ITPR3: variants seen among roughly 807,000 people sequenced by gnomAD.
ITPR3 encodes the protein inositol 1,4,5-trisphosphate-gated calcium channel ITPR3.
Under a neutral mutation model 293.2 loss-of-function variants are expected in ITPR3, and 173 were observed. That is an observed-to-expected ratio of 0.59 (90% CI 0.52 to 0.67). The LOEUF (loss-of-function observed/expected upper bound fraction) is 0.67, where lower values mean the gene tolerates loss of function less well. Ranked by LOEUF, ITPR3 falls within the 30% of genes least tolerant of loss-of-function variation. The pLI is 0.00. For synonymous variants in ITPR3, 1,295 were observed against 1,444.4 expected (o/e 0.90, Z 2.35); for missense variants, 2,796 against 3,592.1 (o/e 0.78, Z 5.66).
chr6:33,641,594 C>T (rs771710910), intron 2 of ITPR3, among the ~76,000 whole-genome samples: 11 of 151,948 alleles, frequency 7.2e-5, no homozygotes, highest in Non-Finnish European at 1.5e-4. Flanking sequence ...ACTGCCCTGG[C>T]CCTGGACGAA....
At position 33,658,265 on chromosome 6, in the gene ITPR3, C is replaced by A. The variant is rs73408232; in HGVS notation, c.369+247C>A. ...GCCATCAGCATGGAGTCTGGAGCCA[C>A]GTTGTCTGGATTCAAATCTTGGCTC... is the stretch of plus-strand genomic sequence containing the variant. On this transcript the variant is annotated intron_variant, in intron 4 of 57. Coordinates refer to ENST00000605930, the MANE Select transcript of ITPR3 (RefSeq NM_002224.4). This position sits in a 1 kb window ranked among gnomAD's most constrained non-coding sequence, Gnocchi z 6.1. 6.6e-6 allele frequency among the ~76,000 whole-genome samples: 1 copy of A among 152,072 alleles called. No homozygotes were observed. Among genetic ancestry groups the A allele is most frequent in the Non-Finnish European group, 1.5e-5 (1 of 67,998 alleles).
chr6:33,686,525 GC>G lies in ITPR3; in HGVS notation c.5979+9del, dbSNP rs749614098. 4 of 1,609,442 alleles carry G rather than the reference GC, an allele frequency of 2.5e-6. No individual in the cohort carries two copies. The highest frequency in any genetic ancestry group is 3.4e-6 in the Non-Finnish European group (4 of 1,175,736). ...ATCTGGTGCTGCAGCTCAAGGTGGG[GC>G]CCAGTGGCAGGTGTGTGAGTGCTGG... is the stretch of plus-strand genomic sequence containing the variant. On this transcript the variant is annotated splice_region_variant and intron_variant, in intron 43 of 57. Transcript: ENST00000605930.
Position 33,658,018 on chromosome 6 carries a change from G to C in ITPR3, c.369G>C (p.Gln123His). 6.2e-7 allele frequency: 1 copy of C among 1,611,492 alleles called. No homozygotes were observed. The highest frequency in any genetic ancestry group is 8.5e-7 in the Non-Finnish European group (1 of 1,178,734). Residue 123 changes from glutamine (Q) to histidine (H), a missense_variant and splice_region_variant, in exon 4 of 58, where the codon CAG becomes CAC. Coordinates refer to ENST00000605930, the MANE Select transcript of ITPR3 (RefSeq NM_002224.4). The surrounding 1 kb of genome is among the most constrained non-coding windows in gnomAD (Gnocchi z 6.1). ...TCGTGAAGTATGGCAGTGTGATCCA[G>C]GTGAGGCTGGCCTGCCTCTCTCCCG... ...GDVVKYGSVI[Q>H]LLHMKSNKYL...
intron 2 of ITPR3, among the ~76,000 whole-genome samples, chr6:33,650,611 A>G (rs561495898): frequency 7.2e-5 from 11 of 152,328 alleles, no homozygotes; most frequent in Admixed American, 2.0e-4. Flanking sequence ...CCACCCTATA[A>G]GGGCTGTTAT....
In ITPR3 at chr6:33,690,984, G is replaced by A; in HGVS notation, c.7100G>A (p.Arg2367His). Residue 2367 changes from arginine (R) to histidine (H), a missense_variant, in exon 52 of 58, where the codon CGC becomes CAC. Transcript: ENST00000605930. Reference protein sequence around the residue: ...NVIKSVTRNGRSILLTALLAL... With the variant: ...NVIKSVTRNGHSILLTALLAL... ...ATCAAGAGTGTGACCCGCAATGGCC[G>A]CTCCATCCTGCTGACAGCCCTGCTG... The A allele has an allele frequency of 6.2e-7, 1 of 1,614,124 alleles. No homozygotes were observed. The highest frequency in any genetic ancestry group is 8.5e-7 in the Non-Finnish European group (1 of 1,180,000).
Position 33,633,826 on chromosome 6 carries a change from C to A in ITPR3, c.90-6658C>A, listed in dbSNP as rs1331133519. Among the ~76,000 whole-genome samples the A allele has an allele frequency of 2.6e-5, 1 of 37,778 alleles. No individual in the cohort carries two copies. Among genetic ancestry groups the A allele is most frequent in the African/African-American group, 9.8e-5 (1 of 10,186 alleles). The allele number at this position is 37,778 out of a possible 152,430, so 24.8% of individuals were successfully genotyped here. On this transcript the variant is annotated intron_variant, in intron 1 of 57. Coordinates refer to ENST00000605930, the MANE Select transcript of ITPR3 (RefSeq NM_002224.4). The surrounding 1 kb of genome is among the most constrained non-coding windows in gnomAD (Gnocchi z 5.2). Reference sequence around the variant, plus strand: ...GGCCAGGCTGGGGGCGGGGCGGGCGCGGGGCGGGCGCGGGGCGGGGCCGGG... The same window carrying A: ...GGCCAGGCTGGGGGCGGGGCGGGCGAGGGGCGGGCGCGGGGCGGGGCCGGG...
chr6:33,681,682 G>T (rs148052806), intron 33 of ITPR3, among the ~76,000 whole-genome samples: 1,975 of 152,284 alleles, frequency 0.013, 19 homozygotes, highest in Middle Eastern at 0.027. Flanking sequence ...GAGCTGGGGT[G>T]GGGTGGGATC....
intron 3 of ITPR3, among the ~76,000 whole-genome samples, 185 bp downstream of exon 3, chr6:33,656,072 T>C: frequency 6.6e-6 from 1 of 152,112 alleles, no homozygotes; most frequent in East Asian, 1.9e-4. Context: ...GGCAGGAGGA[T>C]TGCTTGAGGC....
chr6:33,668,320 C>T (rs527580686), intron 16 of ITPR3, among the ~76,000 whole-genome samples, 195 bp from the exon 17 acceptor site: 66 of 152,326 alleles, frequency 4.3e-4, no homozygotes, highest in African/African-American at 1.5e-3. Flanking sequence ...CTAGCCTTCC[C>T]GGACCCCAGG....
chr6:33,676,966 C>A (rs1421310612), intron 26 of ITPR3, 34 bp downstream of exon 26: 1 of 1,613,852 alleles, frequency 6.2e-7, no homozygotes, highest in Non-Finnish European at 8.5e-7. Flanking sequence ...GGGCAGGCCT[C>A]CCTGTGAGGG....
rs1763869709 is a variant in ITPR3 at position 33,638,195 on chromosome 6, G to A, written c.90-2289G>A. 6.6e-6 allele frequency among the ~76,000 whole-genome samples: 1 copy of A among 151,954 alleles called. No individual in the cohort carries two copies. Among genetic ancestry groups the A allele is most frequent in the African/African-American group, 2.4e-5 (1 of 41,334 alleles). On this transcript the variant is annotated intron_variant, in intron 1 of 57. Transcript: ENST00000605930. This position sits in a 1 kb window ranked among gnomAD's most constrained non-coding sequence, Gnocchi z 4.3. ...TAATTTTTGTATTTTTAGTAGAGATGAGGTTTCACCATGTTGGTCAGGCGG... is the reference window on the plus strand; with the variant it reads ...TAATTTTTGTATTTTTAGTAGAGATAAGGTTTCACCATGTTGGTCAGGCGG...
intron 1 of ITPR3, among the ~76,000 whole-genome samples, chr6:33,625,170 G>T (rs1763522957): frequency 6.6e-6 from 1 of 152,230 alleles, no homozygotes; most frequent in Non-Finnish European, 1.5e-5. Context: ...AGTGGCTAGG[G>T]AGAACTGGCC....
In ITPR3 at chr6:33,642,182, C is replaced by A. The variant is rs554961975; in HGVS notation, c.160+1628C>A. On this transcript the variant is annotated intron_variant, in intron 2 of 57. Transcript: ENST00000605930. ...CCATGTCCTGTTGTTGTGACCCACC[C>A]AGAATCTCCCCAGTGGAGCCCAGGC... 9.1e-4 allele frequency among the ~76,000 whole-genome samples: 139 copies of A among 152,284 alleles called. 1 individual carries two copies. The highest frequency in any genetic ancestry group is 9.0e-4 in the Non-Finnish European group (61 of 68,026).
rs954428292 is a variant in ITPR3 at position 33,683,075 on chromosome 6, G to T, written c.4598-132G>T. 9.1e-5 allele frequency: 44 copies of T among 485,706 alleles called. No homozygotes were observed. Among genetic ancestry groups the T allele is most frequent in the East Asian group, 5.6e-4 (14 of 25,142 alleles). 30.1% of individuals were successfully genotyped at this position (485,706 alleles called of 1,614,324 possible). A position where few individuals can be genotyped will look rare whatever the true frequency, so the allele number is the denominator to read the frequency against. On this transcript the variant is annotated intron_variant, in intron 34 of 57. Transcript: ENST00000605930. This position sits in a 1 kb window ranked among gnomAD's most constrained non-coding sequence, Gnocchi z 4.5. ...AGTCCCTCAAGCATAGGCCGGGGTG[G>T]GGGGGGTCTCTGTCTCCCAGACCCT...
chr6:33,621,365 C>A lies in ITPR3; in HGVS notation c.-238C>A. 2 of 203,716 alleles carry A rather than the reference C, an allele frequency of 9.8e-6. No individual in the cohort carries two copies. The allele number at this position is 203,716 out of a possible 1,614,324, so 12.6% of individuals were successfully genotyped here. The stretch of plus-strand genomic sequence containing the variant: ...ACGCTGCAGGTACGCGCGGGCCGGG[C>A]GGGGCGGGCGGGCGGCGGGCGCGCC... On this transcript the variant is annotated 5_prime_UTR_variant, in exon 1 of 58. Transcript: ENST00000605930. The surrounding 1 kb of genome is among the most constrained non-coding windows in gnomAD (Gnocchi z 7.7).
In ITPR3 at chr6:33,658,383, C is replaced by G. The variant is rs1159847863; in HGVS notation, c.370-287C>G. 1.3e-5 allele frequency among the ~76,000 whole-genome samples: 2 copies of G among 152,210 alleles called. No individual in the cohort carries two copies. Among genetic ancestry groups the G allele is most frequent in the African/African-American group, 4.8e-5 (2 of 41,434 alleles). On this transcript the variant is annotated intron_variant, in intron 4 of 57. Transcript: ENST00000605930. This position sits in a 1 kb window ranked among gnomAD's most constrained non-coding sequence, Gnocchi z 6.1. Reference sequence around the variant, plus strand: ...GTGAAATCAGGCAGTAATAGTACTTCCCTCTTGGATCGTTGTAGGTTACTT... The same window carrying G: ...GTGAAATCAGGCAGTAATAGTACTTGCCTCTTGGATCGTTGTAGGTTACTT...
At chr6:33,656,352 A>G (rs1393719188) in intron 3 of ITPR3, among the ~76,000 whole-genome samples, 1 of 152,102 alleles carries the variant, frequency 6.6e-6, no homozygotes, top group African/African-American at 2.4e-5. Flanking sequence ...TGTCGACACC[A>G]TAGAGCAGTG....
At chr6:33,630,045 C>T (rs1178074282) in intron 1 of ITPR3, among the ~76,000 whole-genome samples, 3 of 152,014 alleles carry the variant, frequency 2.0e-5, no homozygotes, top group Non-Finnish European at 4.4e-5. Context: ...GAGCTGAGAT[C>T]GTGCCACTGC....
At position 33,678,493 on chromosome 6, in the gene ITPR3, G is replaced by A. The variant is rs544003324; in HGVS notation, c.3721G>A (p.Gly1241Ser). Residue 1241 changes from glycine (G) to serine (S), a missense_variant, in exon 29 of 58, where the codon GGC becomes AGC. Gly to Ser is a moderately conservative substitution (Grantham distance 56, BLOSUM62 0). This residue lies in a region of ITPR3 where 344 missense variants were observed against 460.3 expected (regional missense o/e 0.75). Transcript: ENST00000605930. ...FLQKFCAGNP[G>S]NQALLHKHLH... ...GCAGAAGTTCTGTGCAGGGAACCCC[G>A]GCAACCAGGCCCTGCTGCACAAACA... 2.5e-5 allele frequency: 40 copies of A among 1,613,378 alleles called. No homozygotes were observed. The East Asian group carries it at 5.1e-4, about 21-fold the overall frequency.
Sources: gnomAD v4.1 joint callset for allele counts (sites outside exome capture counted in the v4.1 genomes callset) on GRCh38, gnomAD v4.1.1 for gene constraint, gnomAD v4.1.1 regional missense constraint, Gnocchi (gnomAD v3.1) non-coding constraint, MANE v1.5 for transcripts, NCBI Gene and HGNC (gene_info 2026-07-23, HGNC 2026-07-21) for gene names.